Variants in GPR149 observed in about 807,000 individuals in gnomAD.
The protein encoded by GPR149 is probable G protein-coupled receptor 149.
Under a neutral mutation model 50.2 loss-of-function variants are expected in GPR149, and 50 were observed. That is an observed-to-expected ratio of 1.00 (90% CI 0.79 to 1.26). The LOEUF (loss-of-function observed/expected upper bound fraction) is 1.26, where lower values mean the gene tolerates loss of function less well. Ranked by LOEUF, GPR149 falls within the 50% of genes most tolerant of loss-of-function variation. The pLI is 0.00. For synonymous variants in GPR149, 405 were observed against 358.2 expected, an observed-to-expected ratio of 1.13 and a Z score of -1.48; for missense variants, 983 against 895.4, an observed-to-expected ratio of 1.10 and a Z score of -1.25.
At chr3:154,354,739 T>C in intron 3 of GPR149, 1 of 691,170 alleles carries the variant, frequency 1.4e-6, no homozygotes, top group South Asian at 1.9e-5. Flanking sequence ...CTTCTGGCTC[T>C]CGGACTCCTC....
intron 3 of GPR149, among the ~76,000 whole-genome samples, chr3:154,411,347 G>A (rs1301621526): frequency 1.3e-5 from 2 of 151,934 alleles, no homozygotes; most frequent in Non-Finnish European, 2.9e-5. Context: ...AAATATCAGA[G>A]CAGAACTAAA....
At chr3:154,392,534 AAAG>A (rs1715194903) in intron 3 of GPR149, among the ~76,000 whole-genome samples, 3 of 151,906 alleles carry the variant, frequency 2.0e-5, no homozygotes, top group Admixed American at 2.0e-4. Context: ...AGAAGCTGAA[AAAG>A]AAGAACAAAC....
intron 3 of GPR149, among the ~76,000 whole-genome samples, chr3:154,378,686 C>T (rs1356176604): frequency 6.6e-6 from 1 of 152,192 alleles, no homozygotes; most frequent in African/African-American, 2.4e-5. Flanking sequence ...TACATTCCCA[C>T]CAGCAATGCA....
At chr3:154,355,251 C>G (rs568970382) in intron 3 of GPR149, among the ~76,000 whole-genome samples, 1 of 152,310 alleles carries the variant, frequency 6.6e-6, no homozygotes, top group South Asian at 2.1e-4. Flanking sequence ...TGTTCTCAAA[C>G]TCCTGACCTC....
intron 2 of GPR149, among the ~76,000 whole-genome samples, chr3:154,422,502 T>C (rs1053941134): frequency 5.3e-5 from 8 of 151,682 alleles, no homozygotes; most frequent in Non-Finnish European, 7.4e-5. Flanking sequence ...TTAGCTATCT[T>C]CGATAGAAAA....
intron 3 of GPR149, among the ~76,000 whole-genome samples, chr3:154,364,246 T>A (rs1002216802): frequency 3.3e-5 from 5 of 152,216 alleles, no homozygotes; most frequent in Non-Finnish European, 7.3e-5. Context: ...TCATACTTCT[T>A]AATACTACTG....
chr3:154,361,676 G>C (rs1200351115), intron 3 of GPR149, among the ~76,000 whole-genome samples: 1 of 152,102 alleles, frequency 6.6e-6, no homozygotes, highest in Non-Finnish European at 1.5e-5. Flanking sequence ...TAGGGTTTCA[G>C]AATAAATTGG....
intron 3 of GPR149, among the ~76,000 whole-genome samples, chr3:154,414,318 C>T (rs1711924547): frequency 6.6e-6 from 1 of 151,406 alleles, no homozygotes; most frequent in African/African-American, 2.4e-5. Flanking sequence ...AATAAAAAAA[C>T]AAAAAAATAA....
chr3:154,365,627 C>CCCTG (rs1288770809), intron 3 of GPR149, among the ~76,000 whole-genome samples: 4 of 152,176 alleles, frequency 2.6e-5, no homozygotes, highest in African/African-American at 9.7e-5. Flanking sequence ...CCATGCACCA[C>CCCTG]CCTGAACACT....
rs1399941488 is a variant in GPR149, at chr3:154,428,871, C to G, written c.745G>C (p.Val249Leu). Residue 249 changes from valine (V) to leucine (L), a missense_variant, in exon 1 of 4, where the codon GTT becomes CTT. Coordinates refer to ENST00000389740, the MANE Select transcript of GPR149 (RefSeq NM_001038705.3). ...GGAGCATCCTCTGGGGACAGGGAAACCACTCTCCCCGCAGTAGGAGGGGTC... is the reference window on the plus strand; with the variant it reads ...GGAGCATCCTCTGGGGACAGGGAAAGCACTCTCCCCGCAGTAGGAGGGGTC... ...PGTPPTAGRV[V>L]SLSPEDAPGP... The G allele has an allele frequency of 3.1e-6, 5 of 1,613,954 alleles. No individual in the cohort carries two copies. The East Asian group carries it at 8.9e-5, about 29-fold the overall frequency.
intron 3 of GPR149, among the ~76,000 whole-genome samples, chr3:154,388,871 A>C (rs1515646): frequency 0.074 from 10,656 of 144,648 alleles, 480 homozygotes; most frequent in African/African-American, 0.12. Flanking sequence ...ACATATGAAA[A>C]ACACACACAC....
chr3:154,409,504 T>C (rs1386099961), intron 3 of GPR149, among the ~76,000 whole-genome samples: 1 of 151,996 alleles, frequency 6.6e-6, no homozygotes, highest in African/African-American at 2.4e-5. Flanking sequence ...AAAGGAAAAT[T>C]CTTCAGTGAA....
At chr3:154,366,632 CTTTA>C (rs1475005589) in intron 3 of GPR149, among the ~76,000 whole-genome samples, 1 of 152,222 alleles carries the variant, frequency 6.6e-6, no homozygotes, top group Non-Finnish European at 1.5e-5. Flanking sequence ...TTTCTACAGA[CTTTA>C]AGTCTTTAGG....
intron 3 of GPR149, among the ~76,000 whole-genome samples, chr3:154,408,353 A>G (rs1711750776): frequency 6.6e-6 from 1 of 152,160 alleles, no homozygotes; most frequent in Admixed American, 6.5e-5. Flanking sequence ...TTGGATCACC[A>G]CTGCAGGCTC....
Position 154,371,489 on chromosome 3 carries a change from G to C in GPR149, c.1624-33218C>G, listed in dbSNP as rs976039934. On this transcript the variant is annotated intron_variant, in intron 3 of 3. Transcript: ENST00000389740. ...CTGGGCAGGCTTGGGACTGGAATTGGAGGCATAACCTCCACCACCAATTTA... is the reference window on the plus strand; with the variant it reads ...CTGGGCAGGCTTGGGACTGGAATTGCAGGCATAACCTCCACCACCAATTTA... 2.6e-5 allele frequency among the ~76,000 whole-genome samples: 4 copies of C among 152,078 alleles called. No homozygotes were observed. In the East Asian group the frequency reaches 5.8e-4, roughly 22 times the overall value.
Position 154,367,377 on chromosome 3 carries a change from T to C in GPR149, c.1624-29106A>G, listed in dbSNP as rs191445132. On this transcript the variant is annotated intron_variant, in intron 3 of 3. Coordinates refer to ENST00000389740, the MANE Select transcript of GPR149 (RefSeq NM_001038705.3). ...AAAAGGAATGTTAAAAGCCAGTTTT[T>C]CTGTGATCAGCAGACCTTATCTATG... is the stretch of plus-strand genomic sequence containing the variant. Among the ~76,000 whole-genome samples, 3 of 152,098 alleles carry C rather than the reference T, an allele frequency of 2.0e-5. No individual in the cohort carries two copies. In the East Asian group the frequency reaches 5.8e-4, roughly 29 times the overall value.
At chr3:154,369,902 G>A (rs897877875) in intron 3 of GPR149, among the ~76,000 whole-genome samples, 2 of 152,148 alleles carry the variant, frequency 1.3e-5, no homozygotes, top group Non-Finnish European at 1.5e-5. Flanking sequence ...GTAAATGATC[G>A]AATGACCCCG....
intron 2 of GPR149, among the ~76,000 whole-genome samples, chr3:154,426,495 T>C (rs926159995): frequency 6.6e-6 from 1 of 152,204 alleles, no homozygotes; most frequent in African/African-American, 2.4e-5. Context: ...ACTTGCATAC[T>C]CTGAGCAAAG....
chr3:154,408,251 A>G (rs955311607), intron 3 of GPR149, among the ~76,000 whole-genome samples: 1 of 152,234 alleles, frequency 6.6e-6, no homozygotes, highest in African/African-American at 2.4e-5. Flanking sequence ...ACAGAGCAGC[A>G]TGTGGAGACT....
Sources: gnomAD v4.1 joint callset for allele counts (sites outside exome capture counted in the v4.1 genomes callset) on GRCh38, gnomAD v4.1.1 for gene constraint, MANE v1.5 for transcripts, NCBI Gene and HGNC (gene_info 2026-07-23, HGNC 2026-07-21) for gene names.